Variants in CBFA2T3 observed in about 807,000 individuals in gnomAD.
CBFA2T3 encodes transcriptional corepressor CBFA2T3.
CBFA2T3 carries 31 observed loss-of-function variants against 58.6 expected under a neutral mutation model. The observed-to-expected ratio is 0.53, with a 90% CI of 0.40 to 0.71. CBFA2T3 has a LOEUF of 0.71. Ranked by LOEUF, CBFA2T3 falls within the 30% of genes least tolerant of loss-of-function variation. The pLI, the probability that CBFA2T3 is intolerant of heterozygous loss-of-function variation, is 0.00. For missense variants in CBFA2T3, 1,076 were observed against 963.1 expected (o/e 1.12, Z -1.55); for synonymous variants, 531 against 421.9 (o/e 1.26, Z -3.17).
chr16:88,935,108 G>A (rs888384714), intron 1 of CBFA2T3, among the ~76,000 whole-genome samples: 1 of 152,220 alleles, frequency 6.6e-6, no homozygotes, highest in East Asian at 1.9e-4. Context: ...CAGGCACAGG[G>A]ATACGTGGAG....
intron 1 of CBFA2T3, among the ~76,000 whole-genome samples, chr16:88,908,505 C>T (rs541349372): frequency 6.6e-6 from 1 of 152,298 alleles, no homozygotes; most frequent in Non-Finnish European, 1.5e-5. Context: ...TGGGCAGAGC[C>T]AGTGGGAAAG....
At chr16:88,954,337 ACCCCAGCCAAGGC>A (rs1972153185) in intron 1 of CBFA2T3, among the ~76,000 whole-genome samples, 2 of 144,318 alleles carry the variant, frequency 1.4e-5, no homozygotes, top group Non-Finnish European at 1.5e-5. Context: ...AAGGCTCCTG[ACCCCAGCCAAGGC>A]TCCTGACCTC....
At chr16:88,877,596 T>C (rs1344344152) in intron 11 of CBFA2T3, among the ~76,000 whole-genome samples, 1 of 152,164 alleles carries the variant, frequency 6.6e-6, no homozygotes, top group Admixed American at 6.5e-5. Context: ...CCAAAGGGCG[T>C]GGCCCCGGCA....
chr16:88,892,768 G>T (rs952941434), intron 3 of CBFA2T3, among the ~76,000 whole-genome samples: 1 of 152,302 alleles, frequency 6.6e-6, no homozygotes, highest in African/African-American at 2.4e-5. Context: ...CCAGGGAGGT[G>T]AAGCCTCTTT....
In CBFA2T3 at chr16:88,876,698, C is replaced by T. The variant is rs939235078; in HGVS notation, c.*278G>A. ...TCTGCTCTGCTGTCTAAAGCTCAGT[C>T]GAGGCTTCTGAGGATGCTTGAAGAG... On this transcript the variant is annotated 3_prime_UTR_variant, in exon 12 of 12. Coordinates refer to ENST00000268679, the MANE Select transcript of CBFA2T3 (RefSeq NM_005187.6). 4.3e-5 allele frequency: 18 copies of T among 414,352 alleles called. No individual in the cohort carries two copies. The highest frequency in any genetic ancestry group is 6.0e-4 in the Middle Eastern group (1 of 1,670). 25.7% of individuals were successfully genotyped at this position (414,352 alleles called of 1,614,324 possible).
At chr16:88,944,076 G>A (rs529591479) in intron 1 of CBFA2T3, among the ~76,000 whole-genome samples, 2 of 152,226 alleles carry the variant, frequency 1.3e-5, no homozygotes, top group South Asian at 4.1e-4. Flanking sequence ...GGTGGGTCAC[G>A]CCTGTAGTCC....
chr16:88,908,042 C>T (rs1597709946), intron 1 of CBFA2T3, among the ~76,000 whole-genome samples: 1 of 152,200 alleles, frequency 6.6e-6, no homozygotes, highest in South Asian at 2.1e-4. Context: ...TCCCACTCAT[C>T]AAGAAAGTTC....
intron 1 of CBFA2T3, among the ~76,000 whole-genome samples, chr16:88,963,316 CGGGCGCTCATCTTCTGCCAGGCT>C (rs1972416849): frequency 4.7e-5 from 3 of 63,816 alleles, no homozygotes; most frequent in Admixed American, 2.6e-4. Flanking sequence ...CTGCCAGGGG[CGGGCGCTCATCTTCTGCCAGGCT>C]TTTTTTTTTT....
At chr16:88,900,737 C>T (rs1474856518) in intron 2 of CBFA2T3, among the ~76,000 whole-genome samples, 2 of 152,212 alleles carry the variant, frequency 1.3e-5, no homozygotes, top group Non-Finnish European at 2.9e-5. Flanking sequence ...GCTGCCACCC[C>T]GCCGGCCCAG....
At chr16:88,964,937 CAT>C (rs1972459804) in intron 1 of CBFA2T3, among the ~76,000 whole-genome samples, 1 of 148,518 alleles carries the variant, frequency 6.7e-6, no homozygotes, top group Non-Finnish European at 1.5e-5. Context: ...TCCATCCATC[CAT>C]CCATCCATCC....
intron 5 of CBFA2T3, 111 bp downstream of exon 5, chr16:88,891,771 G>C (rs1969640291): frequency 1.4e-6 from 1 of 721,572 alleles, no homozygotes; most frequent in African/African-American, 1.8e-5. Flanking sequence ...CTGCCTATCT[G>C]GCCACTTAAG....
chr16:88,928,133 T>A (rs1369308824), intron 1 of CBFA2T3, among the ~76,000 whole-genome samples: 1 of 151,368 alleles, frequency 6.6e-6, no homozygotes, highest in Admixed American at 6.5e-5. Context: ...CCCACGGGGC[T>A]CTGTTCCGAC....
intron 8 of CBFA2T3, among the ~76,000 whole-genome samples, chr16:88,882,122 C>T (rs1264264635): frequency 2.6e-5 from 4 of 152,254 alleles, no homozygotes; most frequent in African/African-American, 9.6e-5. Context: ...GCTGCGCTGA[C>T]AGCTGGGAGG....
chr16:88,905,457 T>G (rs925033697), intron 1 of CBFA2T3, among the ~76,000 whole-genome samples: 1 of 151,890 alleles, frequency 6.6e-6, no homozygotes, highest in African/African-American at 2.4e-5. Flanking sequence ...CACCCCACAC[T>G]GGGCGGTCCT....
chr16:88,917,071 CAAA>C (rs781169197), intron 1 of CBFA2T3, among the ~76,000 whole-genome samples: 3 of 81,116 alleles, frequency 3.7e-5, no homozygotes. Context: ...GACTCTGTCT[CAAA>C]AAAAAAAAAA....
chr16:88,941,593 A>AGGGGCGC (rs1365569071), intron 1 of CBFA2T3, among the ~76,000 whole-genome samples: 8 of 143,296 alleles, frequency 5.6e-5, no homozygotes, highest in African/African-American at 1.8e-4. Flanking sequence ...GAGAGGGGAG[A>AGGGGCGC]GGGGCGCGGG....
intron 5 of CBFA2T3, among the ~76,000 whole-genome samples, chr16:88,890,112 T>C (rs943472501): frequency 6.6e-6 from 1 of 151,900 alleles, no homozygotes; most frequent in Non-Finnish European, 1.5e-5. Context: ...TTCAAATCCC[T>C]GGACGATGCC....
intron 1 of CBFA2T3, among the ~76,000 whole-genome samples, chr16:88,961,230 C>T (rs1487366931): frequency 1.3e-5 from 2 of 152,134 alleles, no homozygotes; most frequent in African/African-American, 4.8e-5. Context: ...GAGGTGGTTC[C>T]CAGACAGGGG....
chr16:88,971,787 G>A (rs969232238), intron 1 of CBFA2T3, among the ~76,000 whole-genome samples: 7 of 152,202 alleles, frequency 4.6e-5, no homozygotes, highest in African/African-American at 1.4e-4. Flanking sequence ...AGCACTGGCC[G>A]GCGAGTCCTG....
Sources: gnomAD v4.1 joint callset for allele counts (sites outside exome capture counted in the v4.1 genomes callset) on GRCh38, gnomAD v4.1.1 for gene constraint, MANE v1.5 for transcripts, NCBI Gene and HGNC (gene_info 2026-07-23, HGNC 2026-07-21) for gene names.